Variants in PCDH9 observed in about 807,000 individuals in gnomAD.
The protein encoded by PCDH9 is protocadherin-9.
Under a neutral mutation model 70.6 loss-of-function variants are expected in PCDH9, and 24 were observed. That is an observed-to-expected ratio of 0.34 (90% CI 0.25 to 0.48). The LOEUF (loss-of-function observed/expected upper bound fraction) is 0.48, where lower values mean the gene tolerates loss of function less well. Among genes scored for constraint, PCDH9 ranks in the 20% least tolerant of loss-of-function variants. PCDH9 has a pLI of 0.99. For missense variants in PCDH9, 1,281 were observed against 1,503.6 expected (o/e 0.85, Z 2.45); for synonymous variants, 562 against 558.5 (o/e 1.01, Z -0.09).
chr13:66,663,049 G>A (rs934873431), intron 3 of PCDH9, among the ~76,000 whole-genome samples: 17 of 152,090 alleles, frequency 1.1e-4, no homozygotes, highest in African/African-American at 4.1e-4. Context: ...TAACTATAAG[G>A]AAAAACAGTC....
rs149092993 is a variant in PCDH9 at position 67,115,421 on chromosome 13, G to A, written c.3036+109984C>T. ...TGCATGTTCTGTGCAACCCACCCAG[G>A]AGCAGAAGGATGAAGGAGCTCTCTG... On this transcript the variant is annotated intron_variant, in intron 2 of 4. Transcript: ENST00000377865. 4.0e-3 allele frequency among the ~76,000 whole-genome samples: 605 copies of A among 152,242 alleles called. 2 individuals are homozygous for A. Among genetic ancestry groups the A allele is most frequent in the African/African-American group, 0.014 (573 of 41,540 alleles).
intron 2 of PCDH9, among the ~76,000 whole-genome samples, chr13:67,141,840 T>C (rs945732143): frequency 6.6e-6 from 1 of 152,084 alleles, no homozygotes; most frequent in Non-Finnish European, 1.5e-5. Context: ...CTCAAGAGAT[T>C]GCACCTCCTT....
At chr13:67,194,215 C>T (rs2088996057) in intron 2 of PCDH9, among the ~76,000 whole-genome samples, 2 of 152,116 alleles carry the variant, frequency 1.3e-5, no homozygotes, top group African/African-American at 4.8e-5. Context: ...TTACTGCACT[C>T]ATATAAGCAC....
At chr13:66,829,155 CT>C (rs2080878765) in intron 3 of PCDH9, among the ~76,000 whole-genome samples, 1 of 151,988 alleles carries the variant, frequency 6.6e-6, no homozygotes, top group Admixed American at 6.6e-5. Flanking sequence ...GTAGCTGGGA[CT>C]ACAGGCATGT....
chr13:66,990,317 G>C (rs961890116), intron 2 of PCDH9, among the ~76,000 whole-genome samples: 6 of 151,676 alleles, frequency 4.0e-5, no homozygotes, highest in African/African-American at 1.5e-4. Flanking sequence ...GTGAAAACTT[G>C]AGTGACAGTA....
intron 4 of PCDH9, among the ~76,000 whole-genome samples, chr13:66,492,444 A>G (rs1959049653): frequency 6.8e-6 from 1 of 148,148 alleles, no homozygotes; most frequent in Admixed American, 6.8e-5. Flanking sequence ...TTATATTTAT[A>G]TATAATAAAT....
At chr13:66,834,278 C>T (rs2139414790) in intron 3 of PCDH9, among the ~76,000 whole-genome samples, 1 of 151,880 alleles carries the variant, frequency 6.6e-6, no homozygotes, top group East Asian at 1.9e-4. Flanking sequence ...ATGCCTCAGC[C>T]TCCTGAGTAG....
rs183328526 is a variant in PCDH9, at chr13:67,121,962, T to C, written c.3036+103443A>G. ...TTTAAAGCTGTACACATATCTATTT[T>C]AAAGTGGCCAAGTTAAATATATTGA... On this transcript the variant is annotated intron_variant, in intron 2 of 4. Transcript: ENST00000377865. 1.2e-3 allele frequency among the ~76,000 whole-genome samples: 183 copies of C among 152,334 alleles called. 1 individual carries two copies. Among genetic ancestry groups the C allele is most frequent in the African/African-American group, 4.3e-3 (179 of 41,588 alleles).
In PCDH9 at chr13:67,074,030, T is replaced by TTCTATCTA. The variant is rs35805308; in HGVS notation, c.3036+151367_3036+151374dup. Among the ~76,000 whole-genome samples, 1,305 of 149,016 alleles carry TTCTATCTA rather than the reference T, an allele frequency of 8.8e-3. 6 individuals carry two copies. The highest frequency in any genetic ancestry group is 0.021 in the Middle Eastern group (6 of 292). ...CTTTTTGAATCTCATTGAGATGAAA[T>TTCTATCTA]TCTATCTATCTATCTATCTATCTAT... On this transcript the variant is annotated intron_variant, in intron 2 of 4. Transcript: ENST00000377865.
intron 4 of PCDH9, among the ~76,000 whole-genome samples, chr13:66,367,712 A>G (rs1439085539): frequency 1.3e-5 from 2 of 152,184 alleles, no homozygotes; most frequent in Non-Finnish European, 2.9e-5. Context: ...ATAGATAACC[A>G]GGAAAGTAAA....
At chr13:66,335,231 C>G (rs537739138) in intron 4 of PCDH9, among the ~76,000 whole-genome samples, 6 of 152,244 alleles carry the variant, frequency 3.9e-5, no homozygotes, top group Admixed American at 3.3e-4. Context: ...GCAAACTCAA[C>G]CTCTACTTAC....
At chr13:66,507,007 T>C (rs141646385) in intron 4 of PCDH9, among the ~76,000 whole-genome samples, 71 of 152,356 alleles carry the variant, frequency 4.7e-4, no homozygotes, top group Admixed American at 9.2e-4. Flanking sequence ...TTGCATATTT[T>C]TATTGTTATG....
chr13:66,962,501 A>G (rs2083364788), intron 2 of PCDH9, among the ~76,000 whole-genome samples: 1 of 152,236 alleles, frequency 6.6e-6, no homozygotes, highest in Non-Finnish European at 1.5e-5. Flanking sequence ...ACAAAGCTAG[A>G]TGGGATAGCC....
At chr13:66,353,417 G>A (rs948593210) in intron 4 of PCDH9, among the ~76,000 whole-genome samples, 3 of 152,168 alleles carry the variant, frequency 2.0e-5, no homozygotes, top group African/African-American at 7.2e-5. Context: ...ACTTCCTGTA[G>A]TGTATCTGTG....
intron 4 of PCDH9, among the ~76,000 whole-genome samples, chr13:66,447,318 C>T (rs891060018): frequency 6.6e-6 from 1 of 152,020 alleles, no homozygotes; most frequent in Admixed American, 6.6e-5. Context: ...AACTAATAGC[C>T]TTGGAGATTT....
chr13:66,832,722 T>C (rs1473896978), intron 3 of PCDH9, among the ~76,000 whole-genome samples: 1 of 152,164 alleles, frequency 6.6e-6, no homozygotes, highest in Non-Finnish European at 1.5e-5. Context: ...TTTTCCGTGA[T>C]TGGAATCCTA....
At chr13:66,833,821 A>G (rs897040521) in intron 3 of PCDH9, among the ~76,000 whole-genome samples, 2 of 152,204 alleles carry the variant, frequency 1.3e-5, no homozygotes, top group Non-Finnish European at 2.9e-5. Context: ...AACCAGTTTT[A>G]TAAATTTGTA....
chr13:66,797,299 C>G (rs758135808), intron 3 of PCDH9, among the ~76,000 whole-genome samples: 2 of 152,010 alleles, frequency 1.3e-5, no homozygotes, highest in Admixed American at 1.3e-4. Flanking sequence ...CCCGTGAAAC[C>G]CCATTATCAT....
intron 4 of PCDH9, among the ~76,000 whole-genome samples, chr13:66,473,930 A>C (rs994360272): frequency 3.9e-5 from 6 of 152,162 alleles, no homozygotes; most frequent in African/African-American, 1.4e-4. Context: ...TGTCTTAATA[A>C]AAGATACAAA....
Sources: allele counts gnomAD v4.1 joint callset (sites outside exome capture counted in the v4.1 genomes callset), GRCh38; gene constraint gnomAD v4.1.1; transcripts MANE v1.5; gene names NCBI Gene and HGNC (gene_info 2026-07-23, HGNC 2026-07-21).